Variants in ROBO2 observed in about 807,000 individuals in gnomAD.
ROBO2 encodes the protein roundabout guidance receptor 2.
A neutral mutation model predicts 160.8 loss-of-function variants in ROBO2; 53 were observed. That is an observed-to-expected ratio of 0.33 (90% confidence interval 0.26 to 0.41). ROBO2 has a LOEUF of 0.41. ROBO2 is among the 10% of genes least tolerant of loss of function. The pLI is 1.00. For synonymous variants in ROBO2, 664 were observed against 611.7 expected, an observed-to-expected ratio of 1.09 and a Z score of -1.26; for missense variants, 1,577 against 1,722.4, an observed-to-expected ratio of 0.92 and a Z score of 1.49.
chr3:76,809,445 T>C (rs1326766038), intron 2 of ROBO2, among the ~76,000 whole-genome samples: 1 of 152,174 alleles, frequency 6.6e-6, no homozygotes, highest in African/African-American at 2.4e-5. Context: ...GAAAAGCCTC[T>C]CACCTCTGTC....
intron 16 of ROBO2, among the ~76,000 whole-genome samples, chr3:77,586,470 T>C (rs562559083): frequency 6.6e-6 from 1 of 152,122 alleles, no homozygotes; most frequent in Admixed American, 6.6e-5. Flanking sequence ...TACTCTCCAA[T>C]GGGATGAAGA....
In ROBO2 at chr3:77,562,819, T is replaced by TTTA. The variant is rs574615007; in HGVS notation, c.1519+88_1519+90dup. On this transcript the variant is annotated intron_variant, in intron 10 of 25. Transcript: ENST00000461745. ...AATAAGTTAAGGGGGGATCAAAGTG[T>TTTA]TTAATTCACTGAATGTAAATTTTAG... The TTTA allele has an allele frequency of 1.3e-3, 1,255 of 959,078 alleles. 4 individuals carry two copies. Among genetic ancestry groups the TTTA allele is most frequent in the Non-Finnish European group, 1.6e-3 (955 of 596,642 alleles). The allele number at this position is 959,078 out of a possible 1,614,324, so 59.4% of individuals were successfully genotyped here.
chr3:77,040,051 C>CCGA, exon 1 of ROBO2: 1 of 153,876 alleles, frequency 6.5e-6, no homozygotes, highest in Non-Finnish European at 1.4e-5. Context: ...CCGCCCGGCC[C>CCGA]CTCCCTCCCT....
chr3:76,051,555 A>T (rs1276674506), intron 2 of ROBO2, among the ~76,000 whole-genome samples: 1 of 152,174 alleles, frequency 6.6e-6, no homozygotes, highest in Non-Finnish European at 1.5e-5. Flanking sequence ...AGAATATTGC[A>T]GATTAATATC....
At chr3:76,702,590 G>A (rs2093069587) in intron 2 of ROBO2, among the ~76,000 whole-genome samples, 1 of 151,850 alleles carries the variant, frequency 6.6e-6, no homozygotes, top group Non-Finnish European at 1.5e-5. Context: ...GAATTAAAGT[G>A]ATTTAAAAAT....
intron 2 of ROBO2, among the ~76,000 whole-genome samples, chr3:77,458,264 A>G: frequency 6.6e-6 from 1 of 152,214 alleles, no homozygotes; most frequent in East Asian, 1.9e-4. Context: ...AAGACGCAAG[A>G]TTCTGTTTGT....
chr3:76,920,894 C>A (rs2148989369), intron 2 of ROBO2, among the ~76,000 whole-genome samples: 1 of 152,158 alleles, frequency 6.6e-6, no homozygotes, highest in South Asian at 2.1e-4. Flanking sequence ...ATAATGAAAG[C>A]AAAAACACAG....
intron 2 of ROBO2, among the ~76,000 whole-genome samples, chr3:76,694,835 C>T (rs1182448187): frequency 6.6e-6 from 1 of 152,048 alleles, no homozygotes; most frequent in African/African-American, 2.4e-5. Flanking sequence ...GTTTTATCTT[C>T]TTTTATTAAA....
intron 2 of ROBO2, among the ~76,000 whole-genome samples, chr3:76,975,461 C>T (rs557031612): frequency 9.2e-5 from 14 of 152,182 alleles, no homozygotes; most frequent in African/African-American, 2.9e-4. Flanking sequence ...GCCGAGATCG[C>T]GCCATTGCAC....
At position 77,204,046 on chromosome 3, in the gene ROBO2, G is replaced by A. The variant is rs558444325; in HGVS notation, c.388+105706G>A. Among the ~76,000 whole-genome samples, 7 of 152,322 alleles carry A rather than the reference G, an allele frequency of 4.6e-5. No individual in the cohort carries two copies. In the East Asian group the frequency reaches 9.6e-4, roughly 21 times the overall value. ...CTTAACCTCATGAACACAACTTACA[G>A]AGGAGATAAATGTGCTTTATAGTAG... On this transcript the variant is annotated intron_variant, in intron 2 of 25. Transcript: ENST00000461745.
chr3:77,541,011 G>A (rs1426759567), intron 6 of ROBO2, among the ~76,000 whole-genome samples: 1 of 152,106 alleles, frequency 6.6e-6, no homozygotes, highest in African/African-American at 2.4e-5. Context: ...GAATATGTTA[G>A]TATTTAACAA....
At chr3:76,370,384 G>C (rs565120383) in intron 2 of ROBO2, among the ~76,000 whole-genome samples, 18 of 151,908 alleles carry the variant, frequency 1.2e-4, no homozygotes, top group African/African-American at 4.1e-4. Context: ...GAAAGAATTT[G>C]CATTATCAAG....
intron 2 of ROBO2, among the ~76,000 whole-genome samples, chr3:76,921,285 G>GA (rs970342346): frequency 3.9e-5 from 6 of 152,042 alleles, no homozygotes; most frequent in African/African-American, 1.4e-4. Flanking sequence ...AAATTAAATG[G>GA]AAAAAAGGTA....
At chr3:76,753,023 A>T (rs1414040571) in intron 2 of ROBO2, among the ~76,000 whole-genome samples, 3 of 151,922 alleles carry the variant, frequency 2.0e-5, no homozygotes, top group Non-Finnish European at 2.9e-5. Context: ...AATTCAAAAG[A>T]GTTAAGTAAG....
chr3:75,956,631 C>G (rs1948731275), intron 2 of ROBO2, among the ~76,000 whole-genome samples: 1 of 151,684 alleles, frequency 6.6e-6, no homozygotes, highest in Admixed American at 6.6e-5. Context: ...TGGAGCCCTT[C>G]TAGTGGGATA....
At chr3:76,392,205 C>A (rs1278317193) in intron 2 of ROBO2, among the ~76,000 whole-genome samples, 1 of 151,784 alleles carries the variant, frequency 6.6e-6, no homozygotes, top group East Asian at 1.9e-4. Flanking sequence ...ATTGATGTAC[C>A]CTTTTGGCTA....
At chr3:77,252,831 A>AAAAAAAAAAATATATATATATATATAT in intron 2 of ROBO2, among the ~76,000 whole-genome samples, 1 of 12,518 alleles carries the variant, frequency 8.0e-5, no homozygotes, top group African/African-American at 1.6e-4. Flanking sequence ...AAAAAAAAAA[A>AAAAAAAAAAATATATATATATATATAT]ATATATATAT....
chr3:76,400,747 C>A (rs1002545209), intron 2 of ROBO2, among the ~76,000 whole-genome samples: 3 of 151,294 alleles, frequency 2.0e-5, no homozygotes, highest in African/African-American at 7.3e-5. Flanking sequence ...TTTTGTGACA[C>A]CAAGTTCACT....
chr3:76,469,439 C>T (rs985448700), intron 2 of ROBO2, among the ~76,000 whole-genome samples: 2 of 151,958 alleles, frequency 1.3e-5, no homozygotes, highest in Admixed American at 6.6e-5. Flanking sequence ...TTCCCAAACC[C>T]GTTTGATGAG....
Sources: gnomAD v4.1 joint callset for allele counts (sites outside exome capture counted in the v4.1 genomes callset) on GRCh38, gnomAD v4.1.1 for gene constraint, MANE v1.5 for transcripts, NCBI Gene and HGNC (gene_info 2026-07-23, HGNC 2026-07-21) for gene names.